RAPGEF2: variants seen among roughly 807,000 people sequenced by gnomAD.
RAPGEF2 encodes PDZ domain containing guanine nucleotide exchange factor (GEF) 1.
RAPGEF2 carries 54 observed loss-of-function variants against 186.7 expected under a neutral mutation model. The ratio of observed to expected loss-of-function variants is 0.29; its 90% CI spans 0.23 to 0.36. The LOEUF is 0.36. RAPGEF2 is among the 10% of genes least tolerant of loss of function. The pLI is 1.00. For missense variants in RAPGEF2, 1,532 were observed against 2,045.0 expected (o/e 0.75, Z 4.84); for synonymous variants, 712 against 705.9 (o/e 1.01, Z -0.14).
intron 3 of RAPGEF2, among the ~76,000 whole-genome samples, chr4:159,204,101 A>C (rs984075390): frequency 6.6e-6 from 1 of 152,250 alleles, no homozygotes; most frequent in Non-Finnish European, 1.5e-5. Flanking sequence ...ATGATCACTG[A>C]AATGTTTCCC....
chr4:159,340,769 A>G (rs986638414), intron 19 of RAPGEF2, among the ~76,000 whole-genome samples: 1 of 106,018 alleles, frequency 9.4e-6, no homozygotes, highest in African/African-American at 3.4e-5. Flanking sequence ...AAAAAATACC[A>G]CCACCATCAC....
chr4:159,237,187 AT>A (rs1753370522), intron 4 of RAPGEF2, among the ~76,000 whole-genome samples: 1 of 151,746 alleles, frequency 6.6e-6, no homozygotes, highest in South Asian at 2.1e-4. Context: ...TGCCTGGCTA[AT>A]TTTTGTATTT....
At chr4:159,226,875 A>G (rs1752096789) in intron 4 of RAPGEF2, among the ~76,000 whole-genome samples, 1 of 152,212 alleles carries the variant, frequency 6.6e-6, no homozygotes, top group Non-Finnish European at 1.5e-5. Flanking sequence ...AGAAAAGTCC[A>G]CATTTAATTC....
At chr4:159,180,272 G>A (rs766149719) in intron 1 of RAPGEF2, among the ~76,000 whole-genome samples, 2 of 152,086 alleles carry the variant, frequency 1.3e-5, no homozygotes, top group African/African-American at 4.8e-5. Context: ...CTTATCTCTA[G>A]TAAACTTTCT....
At chr4:159,198,042 C>T (rs1748850927) in intron 3 of RAPGEF2, among the ~76,000 whole-genome samples, 1 of 152,060 alleles carries the variant, frequency 6.6e-6, no homozygotes, top group African/African-American at 2.4e-5. Context: ...TCTCCTTTGC[C>T]TCTCTTACTC....
intron 7 of RAPGEF2, among the ~76,000 whole-genome samples, chr4:159,254,087 T>G (rs1755834956): frequency 6.6e-6 from 1 of 152,236 alleles, no homozygotes; most frequent in Non-Finnish European, 1.5e-5. Context: ...ATACAGAATA[T>G]TAAAAGGACG....
intron 7 of RAPGEF2, among the ~76,000 whole-genome samples, chr4:159,253,993 G>T (rs1172967783): frequency 6.6e-6 from 1 of 152,180 alleles, no homozygotes; most frequent in Non-Finnish European, 1.5e-5. Context: ...GTTCACTTAC[G>T]ACTGGAATAA....
intron 8 of RAPGEF2, among the ~76,000 whole-genome samples, chr4:159,307,525 C>T (rs1012607395): frequency 5.3e-5 from 8 of 152,136 alleles, no homozygotes; most frequent in Non-Finnish European, 8.8e-5. Flanking sequence ...AATATTATGG[C>T]AGAGCCTTCA....
At chr4:159,322,241 C>A in intron 9 of RAPGEF2, 106 bp from the exon 10 acceptor site, 1 of 1,036,112 alleles carries the variant, frequency 9.7e-7, no homozygotes, top group Non-Finnish European at 1.4e-6. Context: ...TTTCAATAAG[C>A]AAAATTGTAG....
At chr4:159,242,307 A>G (rs192201197) in intron 6 of RAPGEF2, among the ~76,000 whole-genome samples, 15 of 151,862 alleles carry the variant, frequency 9.9e-5, no homozygotes, top group Middle Eastern at 3.4e-3. Context: ...ATAAAAATAG[A>G]TAATTAACAA....
At chr4:159,146,000 C>T (rs965150261) in intron 1 of RAPGEF2, among the ~76,000 whole-genome samples, 6 of 151,964 alleles carry the variant, frequency 3.9e-5, no homozygotes, top group East Asian at 1.9e-4. Flanking sequence ...TTGTTGGTGT[C>T]GGAGTCTTAT....
intron 3 of RAPGEF2, among the ~76,000 whole-genome samples, chr4:159,201,796 T>A (rs1749442310): frequency 6.6e-6 from 1 of 152,184 alleles, no homozygotes; most frequent in South Asian, 2.1e-4. Flanking sequence ...TGTTTTTCTA[T>A]TTTTTGGTCA....
intron 8 of RAPGEF2, among the ~76,000 whole-genome samples, chr4:159,308,117 G>T (rs1763527958): frequency 6.6e-6 from 1 of 152,324 alleles, no homozygotes; most frequent in Non-Finnish European, 1.5e-5. Context: ...TCATCTGATT[G>T]TCTGTGAAAC....
At chr4:159,142,153 A>G (rs1222411292) in intron 1 of RAPGEF2, among the ~76,000 whole-genome samples, 2 of 152,178 alleles carry the variant, frequency 1.3e-5, no homozygotes, top group Non-Finnish European at 2.9e-5. Context: ...GTATTTATTT[A>G]TTTTTGACTT....
Position 159,178,447 on chromosome 4 carries a change from A to G in RAPGEF2, c.70-8195A>G, listed in dbSNP as rs981674017. Among the ~76,000 whole-genome samples the G allele has an allele frequency of 2.7e-4, 41 of 151,892 alleles. 1 individual carries two copies. Among genetic ancestry groups the G allele is most frequent in the Admixed American group, 6.5e-4 (10 of 15,276 alleles). On this transcript the variant is annotated intron_variant, in intron 1 of 29. Coordinates refer to ENST00000691494, the MANE Select transcript of RAPGEF2 (RefSeq NM_001394067.2). ...GTTGTAAGTGAATTGTAAGTTTGCT[A>G]TGAAGCCCGTTATATATTCTGAATG...
intron 4 of RAPGEF2, among the ~76,000 whole-genome samples, chr4:159,233,469 G>A (rs1752871359): frequency 6.6e-6 from 1 of 152,128 alleles, no homozygotes; most frequent in Non-Finnish European, 1.5e-5. Context: ...TCAATCATTT[G>A]CAGCAACCTG....
chr4:159,286,080 C>CCACCACCAA (rs1431486765), intron 7 of RAPGEF2, among the ~76,000 whole-genome samples: 3 of 134,690 alleles, frequency 2.2e-5, no homozygotes, highest in African/African-American at 3.1e-5. Context: ...ACCACCACCA[C>CCACCACCAA]CAAATACTAA....
chr4:159,310,753 C>T (rs1763854158), intron 8 of RAPGEF2, among the ~76,000 whole-genome samples: 1 of 152,010 alleles, frequency 6.6e-6, no homozygotes, highest in Non-Finnish European at 1.5e-5. Flanking sequence ...GTAAACCTTT[C>T]TCCTTGTTCC....
chr4:159,158,566 A>G (rs1255946609), intron 1 of RAPGEF2, among the ~76,000 whole-genome samples: 1 of 152,152 alleles, frequency 6.6e-6, no homozygotes, highest in Non-Finnish European at 1.5e-5. Context: ...TTTATTGAAC[A>G]TTTTGTGTAA....
Sources: gnomAD v4.1 joint callset for allele counts (sites outside exome capture counted in the v4.1 genomes callset) on GRCh38, gnomAD v4.1.1 for gene constraint, MANE v1.5 for transcripts, NCBI Gene and HGNC (gene_info 2026-07-23, HGNC 2026-07-21) for gene names.